Variants in GRID2 observed in about 807,000 individuals in gnomAD.
GRID2 encodes the protein glutamate ionotropic receptor delta type subunit 2, also known as glutamate receptor ionotropic, delta-2.
Under a neutral mutation model 114.8 loss-of-function variants are expected in GRID2, and 33 were observed. That is an observed-to-expected ratio of 0.29 (90% CI 0.22 to 0.38). The LOEUF is 0.38. Among genes scored for constraint, GRID2 ranks in the 10% least tolerant of loss-of-function variants. The probability of loss-of-function intolerance (pLI) is 1.00; values close to 1 mark genes in which losing one functional copy is unlikely to be tolerated. For missense variants in GRID2, 1,184 were observed against 1,257.7 expected (o/e 0.94, Z 0.89); for synonymous variants, 505 against 449.9 (o/e 1.12, Z -1.55).
chr4:92,565,115 C>T (rs145533206), intron 1 of GRID2, among the ~76,000 whole-genome samples: 1 of 151,868 alleles, frequency 6.6e-6, no homozygotes. Flanking sequence ...TTCTGGGTAC[C>T]CAGTTACTCC....
intron 1 of GRID2, among the ~76,000 whole-genome samples, chr4:92,328,721 T>C (rs1041040210): frequency 2.0e-5 from 3 of 151,998 alleles, no homozygotes; most frequent in Admixed American, 2.0e-4. Flanking sequence ...AAAAACAACA[T>C]TATTTTGTTT....
At chr4:93,192,079 A>G (rs1039367085) in intron 4 of GRID2, among the ~76,000 whole-genome samples, 4 of 152,138 alleles carry the variant, frequency 2.6e-5, no homozygotes, top group African/African-American at 9.7e-5. Flanking sequence ...ACTGGGGCTT[A>G]TGTCTTATGT....
At chr4:92,348,947 G>T (rs534703903) in intron 1 of GRID2, among the ~76,000 whole-genome samples, 13 of 151,964 alleles carry the variant, frequency 8.6e-5, no homozygotes, top group Admixed American at 3.3e-4. Flanking sequence ...GGACCTAAGA[G>T]AGTACTCTGA....
At chr4:93,557,500 A>G (rs1400274131) in intron 13 of GRID2, among the ~76,000 whole-genome samples, 2 of 152,208 alleles carry the variant, frequency 1.3e-5, no homozygotes, top group African/African-American at 2.4e-5. Context: ...GAAAGGCATT[A>G]CATAATGGTA....
intron 8 of GRID2, among the ~76,000 whole-genome samples, chr4:93,347,815 C>T (rs1760392556): frequency 6.6e-6 from 1 of 152,120 alleles, no homozygotes; most frequent in Non-Finnish European, 1.5e-5. Flanking sequence ...GGCAGTTGCA[C>T]TCCAGAGTAC....
In GRID2 at chr4:93,551,214, G is replaced by T. The variant is rs561861596; in HGVS notation, c.2193+35803G>T. On this transcript the variant is annotated intron_variant, in intron 13 of 15. Transcript: ENST00000282020. Reference sequence around the variant, plus strand: ...GTGGAGGAAATGGACAACTGAACAAGAAATAATATAACTCAACATTGAAAT... The same window carrying T: ...GTGGAGGAAATGGACAACTGAACAATAAATAATATAACTCAACATTGAAAT... Among the ~76,000 whole-genome samples, 5 of 152,264 alleles carry T rather than the reference G, an allele frequency of 3.3e-5. No individual in the cohort carries two copies. In the South Asian group the frequency reaches 1.0e-3, roughly 32 times the overall value.
At position 92,611,537 on chromosome 4, in the gene GRID2, T is replaced by G. The variant is rs541890861; in HGVS notation, c.244+21251T>G. Among the ~76,000 whole-genome samples, 8 of 151,674 alleles carry G rather than the reference T, an allele frequency of 5.3e-5. 1 individual carries two copies. The South Asian group carries it at 1.7e-3, about 31-fold the overall frequency. On this transcript the variant is annotated intron_variant, in intron 2 of 15. Transcript: ENST00000282020. Reference sequence around the variant, plus strand: ...CATTAGTGTTCAACATATGAACTTTTGAGGGGACACAAACATTCAGTCATA... The same window carrying G: ...CATTAGTGTTCAACATATGAACTTTGGAGGGGACACAAACATTCAGTCATA...
At position 92,734,227 on chromosome 4, in the gene GRID2, G is replaced by A. The variant is rs148295087; in HGVS notation, c.244+143941G>A. The stretch of plus-strand genomic sequence containing the variant: ...AATTTAAATTACTTAACTTTCTTAA[G>A]ATAATATTTATAAATTTAAATGTGC... On this transcript the variant is annotated intron_variant, in intron 2 of 15. Coordinates refer to ENST00000282020, the MANE Select transcript of GRID2 (RefSeq NM_001510.4). 3.2e-4 allele frequency among the ~76,000 whole-genome samples: 49 copies of A among 151,908 alleles called. No homozygotes were observed. In the East Asian group the frequency reaches 9.1e-3, roughly 28 times the overall value.
chr4:92,813,313 T>A (rs941545239), intron 2 of GRID2, among the ~76,000 whole-genome samples: 1 of 152,126 alleles, frequency 6.6e-6, no homozygotes, highest in Non-Finnish European at 1.5e-5. Context: ...AGGTTCTGGT[T>A]CAAGCCCTCT....
chr4:92,732,454 C>A (rs925469073), intron 2 of GRID2, among the ~76,000 whole-genome samples: 2 of 151,950 alleles, frequency 1.3e-5, no homozygotes, highest in African/African-American at 4.8e-5. Flanking sequence ...ATTCAAAGAA[C>A]TCCCAGGTAA....
chr4:92,724,661 TAACAC>T lies in GRID2; in HGVS notation c.244+134376_244+134380del, dbSNP rs984415998. 2.3e-3 allele frequency among the ~76,000 whole-genome samples: 343 copies of T among 152,268 alleles called. 2 individuals are homozygous for T. Among genetic ancestry groups the T allele is most frequent in the African/African-American group, 8.0e-3 (334 of 41,552 alleles). The stretch of plus-strand genomic sequence containing the variant: ...TGTCTACTTCTACCACTATTAACTG[TAACAC>T]CTTGAACAAGTTACTTAACCTCATG... On this transcript the variant is annotated intron_variant, in intron 2 of 15. Transcript: ENST00000282020.
intron 13 of GRID2, among the ~76,000 whole-genome samples, chr4:93,624,232 A>G (rs1374769834): frequency 2.0e-5 from 3 of 152,044 alleles, no homozygotes; most frequent in Non-Finnish European, 2.9e-5. Flanking sequence ...ATACTTTTTC[A>G]CTTGATTCTG....
At chr4:93,690,651 C>T (rs929874171) in intron 14 of GRID2, among the ~76,000 whole-genome samples, 3 of 151,596 alleles carry the variant, frequency 2.0e-5, no homozygotes, top group African/African-American at 4.8e-5. Flanking sequence ...CTTGGCTCAC[C>T]ACAGTTCAAT....
At chr4:93,334,843 A>G (rs943016179) in intron 8 of GRID2, among the ~76,000 whole-genome samples, 1 of 152,208 alleles carries the variant, frequency 6.6e-6, no homozygotes, top group Non-Finnish European at 1.5e-5. Flanking sequence ...AGGCAGGAGA[A>G]TCGCTTGAAC....
At chr4:93,012,890 A>G (rs1722327856) in intron 2 of GRID2, among the ~76,000 whole-genome samples, 1 of 152,142 alleles carries the variant, frequency 6.6e-6, no homozygotes, top group Admixed American at 6.6e-5. Flanking sequence ...TATATGACAT[A>G]TATCTATGAA....
chr4:93,268,037 T>C lies in GRID2; in HGVS notation c.1245+29547T>C, dbSNP rs189013292. The stretch of plus-strand genomic sequence containing the variant: ...GTATTGCAGAGACACTCACCTGCTC[T>C]CACACACTAGGAATTTACTCACAAT... On this transcript the variant is annotated intron_variant, in intron 8 of 15. Coordinates refer to ENST00000282020, the MANE Select transcript of GRID2 (RefSeq NM_001510.4). Among the ~76,000 whole-genome samples, 180 of 152,304 alleles carry C rather than the reference T, an allele frequency of 1.2e-3. 3 individuals are homozygous for C. The highest frequency in any genetic ancestry group is 4.3e-3 in the African/African-American group (177 of 41,578).
chr4:93,511,925 G>T (rs1729232751), intron 12 of GRID2, among the ~76,000 whole-genome samples: 1 of 151,916 alleles, frequency 6.6e-6, no homozygotes, highest in Non-Finnish European at 1.5e-5. Context: ...GGGATTACAG[G>T]TGCATGCCAC....
intron 2 of GRID2, among the ~76,000 whole-genome samples, chr4:92,735,340 A>G (rs1263459535): frequency 6.6e-6 from 1 of 152,106 alleles, no homozygotes; most frequent in Non-Finnish European, 1.5e-5. Context: ...TTTATAAATT[A>G]AACACAGTAA....
At chr4:92,694,364 A>T (rs1464093690) in intron 2 of GRID2, among the ~76,000 whole-genome samples, 1 of 152,148 alleles carries the variant, frequency 6.6e-6, no homozygotes, top group Non-Finnish European at 1.5e-5. Flanking sequence ...AGATGGGAGA[A>T]AGCCACCTAG....
Sources: allele counts gnomAD v4.1 joint callset (sites outside exome capture counted in the v4.1 genomes callset), GRCh38; gene constraint gnomAD v4.1.1; transcripts MANE v1.5; gene names NCBI Gene and HGNC (gene_info 2026-07-23, HGNC 2026-07-21).